Variants in GCKR observed in about 807,000 individuals in gnomAD.
GCKR encodes glucokinase regulator, also known as glucokinase regulatory protein.
In GCKR, 73 loss-of-function variants were observed where a neutral mutation model predicts 82.9. The ratio of observed to expected loss-of-function variants is 0.88; its 90% confidence interval spans 0.73 to 1.07. The LOEUF is 1.07. Among genes scored for constraint, GCKR ranks in the 50% least tolerant of loss-of-function variants. The pLI, the probability that GCKR is intolerant of heterozygous loss-of-function variation, is 0.00. For synonymous variants in GCKR, 294 were observed against 291.8 expected, an observed-to-expected ratio of 1.01 and a Z score of -0.08; for missense variants, 784 against 782.1, an observed-to-expected ratio of 1.00 and a Z score of -0.03.
Position 27,508,014 on chromosome 2 carries a change from G to A in GCKR, c.1278G>A (p.Val426=), listed in dbSNP as rs1337646990. ...AGGTGCAGACTATAGTGGAGCAGGTGAAAGAGAAGACCAACCACATCCAGG... is the reference window on the plus strand; with the variant it reads ...AGGTGCAGACTATAGTGGAGCAGGTAAAAGAGAAGACCAACCACATCCAGG... The part of the protein sequence containing the change: ...LTEVQTIVEQ[V]KEKTNHIQAL... The change falls in exon 15 of 19, where the codon GTG becomes GTA. Residue 426 remains valine, a synonymous_variant. Coordinates refer to ENST00000264717, the MANE Select transcript of GCKR (RefSeq NM_001486.4). 5.6e-6 allele frequency: 9 copies of A among 1,613,820 alleles called. No homozygotes were observed. The highest frequency in any genetic ancestry group is 6.8e-6 in the Non-Finnish European group (8 of 1,179,846).
chr2:27,509,238 C>A (rs1669821944), intron 16 of GCKR, among the ~76,000 whole-genome samples: 1 of 152,144 alleles, frequency 6.6e-6, no homozygotes, highest in Admixed American at 6.6e-5. Context: ...CTGGCTTGAC[C>A]AGACACAGCT....
intron 8 of GCKR, among the ~76,000 whole-genome samples, chr2:27,502,075 G>A (rs1242127626): frequency 6.6e-6 from 1 of 152,176 alleles, no homozygotes; most frequent in Non-Finnish European, 1.5e-5. Context: ...CCAGAGGGAT[G>A]CGGCAAAGGC....
rs1187303578 is a variant in GCKR, at chr2:27,503,579, A to G, written c.710A>G (p.Gln237Arg). The change falls in exon 9 of 19, where the codon CAG becomes CGG. Residue 237 changes from glutamine to arginine, a missense_variant. Gln to Arg is a conservative substitution (Grantham distance 43, BLOSUM62 1). Transcript: ENST00000264717. ...RQVAERMQKM[Q>R]EKQKAFVLNP... ...GTAGCAGAGCGGATGCAGAAAATGCAGGAGAAACAGAAAGCTTTTGTGCTC... is the reference window on the plus strand; with the variant it reads ...GTAGCAGAGCGGATGCAGAAAATGCGGGAGAAACAGAAAGCTTTTGTGCTC... 2.5e-6 allele frequency: 4 copies of G among 1,610,706 alleles called. No individual in the cohort carries two copies. The highest frequency in any genetic ancestry group is 3.4e-6 in the Non-Finnish European group (4 of 1,176,956).
intron 17 of GCKR, 24 bp downstream of exon 17, chr2:27,518,961 T>A: frequency 1.4e-6 from 1 of 735,118 alleles, no homozygotes; most frequent in Non-Finnish European, 2.3e-6. Flanking sequence ...GGGGCAGGGT[T>A]GGGTGGGACC....
chr2:27,519,490 CA>C (rs1374537018), intron 17 of GCKR, among the ~76,000 whole-genome samples: 1 of 152,048 alleles, frequency 6.6e-6, no homozygotes, highest in African/African-American at 2.4e-5. Context: ...TTAGCAGAGA[CA>C]GGGTTTTGCC....
chr2:27,518,956 A>AG lies in GCKR; in HGVS notation c.1572+22dup. 1 of 699,290 alleles carries AG rather than the reference A, an allele frequency of 1.4e-6. No homozygotes were observed. Among genetic ancestry groups the AG allele is most frequent in the Non-Finnish European group, 2.5e-6 (1 of 395,308 alleles). The allele number at this position is 699,290 out of a possible 1,614,324, so 43.3% of individuals were successfully genotyped here. On this transcript the variant is annotated intron_variant, in intron 17 of 18. Coordinates refer to ENST00000264717, the MANE Select transcript of GCKR (RefSeq NM_001486.4). ...GCTGCAGGTAGGGATATGATGGGGCAGGGTTGGGTGGGACCTGGCCTCAAT... is the reference window on the plus strand; with the variant it reads ...GCTGCAGGTAGGGATATGATGGGGCAGGGGTTGGGTGGGACCTGGCCTCAAT...
Position 27,496,875 on chromosome 2 carries a change from G to C in GCKR, c.-30G>C. ...AGGGGTTTGTGTGGCTGAAGAGGCA[G>C]GAGGAACAGTGTATCCACAGCGTGG... On this transcript the variant is annotated 5_prime_UTR_variant, in exon 1 of 19. Transcript: ENST00000264717. 1.3e-6 allele frequency: 2 copies of C among 1,595,246 alleles called. No homozygotes were observed. Among genetic ancestry groups the C allele is most frequent in the Non-Finnish European group, 1.7e-6 (2 of 1,162,904 alleles).
chr2:27,501,176 C>T lies in GCKR; in HGVS notation c.591C>T (p.Asn197=), dbSNP rs1409996823. Residue 197 remains asparagine (N), a synonymous_variant, in exon 8 of 19, where the codon AAC becomes AAT. Transcript: ENST00000264717. ...GCCAGATGGACTGCTGCATGAACAA[C>T]ACAGCTGTCTTCTTGCCAGTCCTGG... The part of the protein sequence containing the change: ...VAGQMDCCMN[N]TAVFLPVLVG... 16 of 1,613,964 alleles carry T rather than the reference C, an allele frequency of 9.9e-6. No individual in the cohort carries two copies. The highest frequency in any genetic ancestry group is 1.4e-5 in the Non-Finnish European group (16 of 1,179,896).
chr2:27,514,599 G>T (rs1669960810), intron 16 of GCKR, among the ~76,000 whole-genome samples: 1 of 152,074 alleles, frequency 6.6e-6, no homozygotes, highest in Non-Finnish European at 1.5e-5. Context: ...TTTTACCTTT[G>T]TGTGTTTCCA....
chr2:27,523,541 C>T lies in GCKR; in HGVS notation c.*102C>T. 1 of 1,215,108 alleles carries T rather than the reference C, an allele frequency of 8.2e-7. No homozygotes were observed. The highest frequency in any genetic ancestry group is 1.2e-5 in the South Asian group (1 of 81,528). The allele number at this position is 1,215,108 out of a possible 1,614,324, so 75.3% of individuals were successfully genotyped here. ...GCAGAACATGTGGGAGGAAGAAGCC[C>T]CGTTTCCAGGGCATCCGCAGCCCAG... On this transcript the variant is annotated 3_prime_UTR_variant, in exon 19 of 19. Coordinates refer to ENST00000264717, the MANE Select transcript of GCKR (RefSeq NM_001486.4).
chr2:27,505,403 C>CA (rs200176153), intron 9 of GCKR, among the ~76,000 whole-genome samples: 1,173 of 53,940 alleles, frequency 0.022, 34 homozygotes, highest in East Asian at 0.067. Flanking sequence ...GACTCCATCT[C>CA]AAAAAAAAAA....
At chr2:27,513,911 G>T (rs909146651) in intron 16 of GCKR, among the ~76,000 whole-genome samples, 3 of 61,404 alleles carry the variant, frequency 4.9e-5, no homozygotes, top group African/African-American at 2.4e-4. Context: ...ATTTGCATTT[G>T]TGTGTGTGTG....
chr2:27,511,682 CA>C (rs200798507), intron 16 of GCKR, among the ~76,000 whole-genome samples: 2 of 148,630 alleles, frequency 1.3e-5, no homozygotes, highest in African/African-American at 4.9e-5. Flanking sequence ...AACTCTGTCT[CA>C]AAAAAAAATA....
intron 2 of GCKR, 57 bp downstream of exon 2, chr2:27,497,456 C>T: frequency 1.9e-6 from 3 of 1,597,320 alleles, no homozygotes; most frequent in Non-Finnish European, 2.6e-6. Context: ...CCAACCCCAC[C>T]TCTGCTCTCC....
chr2:27,520,301 T>C (rs1354245351), intron 17 of GCKR, among the ~76,000 whole-genome samples: 1 of 151,914 alleles, frequency 6.6e-6, no homozygotes, highest in Non-Finnish European at 1.5e-5. Flanking sequence ...GAAGGCCTCA[T>C]GGAAGGGGTG....
intron 10 of GCKR, 25 bp from the exon 11 acceptor site, chr2:27,506,456 T>G: frequency 6.3e-5 from 97 of 1,531,584 alleles, no homozygotes; most frequent in Non-Finnish European, 7.8e-5. Context: ...GGGCCCTTCT[T>G]GAGAGCTGGT....
intron 16 of GCKR, among the ~76,000 whole-genome samples, chr2:27,514,332 C>G (rs993415198): frequency 3.3e-5 from 5 of 152,096 alleles, no homozygotes; most frequent in African/African-American, 1.2e-4. Context: ...TCTTCTTCCT[C>G]TTTCCCTTAG....
chr2:27,513,953 A>G (rs972095898), intron 16 of GCKR, among the ~76,000 whole-genome samples: 26 of 149,012 alleles, frequency 1.7e-4, no homozygotes, highest in African/African-American at 5.7e-4. Flanking sequence ...GTGTGTAACA[A>G]TAGTTTGCCC....
At position 27,506,540 on chromosome 2, in the gene GCKR, G is replaced by A. The variant is rs143109541; in HGVS notation, c.929G>A (p.Ser310Asn). The change falls in exon 11 of 19, where the codon AGC (serine) becomes AAC (asparagine). Residue 310 changes from serine (S) to asparagine (N), a missense_variant. Ser to Asn is a conservative substitution (Grantham distance 46). Coordinates refer to ENST00000264717, the MANE Select transcript of GCKR (RefSeq NM_001486.4). ...ERAHQVTYSQ[S>N]PKIATLMKSV... is the part of the protein sequence containing the mutation. ...GCTCATCAGGTGACCTACAGCCAAA[G>A]CCCCAAGATTGCCACCCTGATGAAG... 43 of 1,613,780 alleles carry A rather than the reference G, an allele frequency of 2.7e-5. No homozygotes were observed. The highest frequency in any genetic ancestry group is 1.4e-4 in the South Asian group (13 of 91,086).
Sources: gnomAD v4.1 joint callset for allele counts (sites outside exome capture counted in the v4.1 genomes callset) on GRCh38, gnomAD v4.1.1 for gene constraint, MANE v1.5 for transcripts, NCBI Gene and HGNC (gene_info 2026-07-23, HGNC 2026-07-21) for gene names.